CALN1: variants seen among roughly 807,000 people sequenced by gnomAD.
CALN1 encodes the protein calcium-binding protein 8.
In CALN1, 17 loss-of-function variants were observed where a neutral mutation model predicts 30.6. The observed-to-expected ratio is 0.56, with a 90% CI of 0.38 to 0.83. CALN1 has a LOEUF of 0.83. Ranked by LOEUF, CALN1 falls within the 40% of genes least tolerant of loss-of-function variation. CALN1 has a pLI of 0.00. For synonymous variants in CALN1, 156 were observed against 131.4 expected, an observed-to-expected ratio of 1.19 and a Z score of -1.28; for missense variants, 291 against 354.9, an observed-to-expected ratio of 0.82 and a Z score of 1.45.
At chr7:71,977,033 A>G (rs1798134372) in intron 5 of CALN1, among the ~76,000 whole-genome samples, 1 of 152,074 alleles carries the variant, frequency 6.6e-6, no homozygotes, top group African/African-American at 2.4e-5. Context: ...CCAACCACAA[A>G]CAGACGAATT....
rs1235392655 is a variant in CALN1 at position 71,860,317 on chromosome 7, T to G, written c.502-49825A>C. 2.0e-5 allele frequency among the ~76,000 whole-genome samples: 3 copies of G among 151,818 alleles called. No homozygotes were observed. In the East Asian group the frequency reaches 5.8e-4, roughly 29 times the overall value. On this transcript the variant is annotated intron_variant, in intron 5 of 6. Coordinates refer to ENST00000395275, the MANE Select transcript of CALN1 (RefSeq NM_031468.4). ...AAGCGATTCTCCTGCCTCAGCCTCC[T>G]GAGTAGCTGGGACTGCAGGCACATG... is the stretch of plus-strand genomic sequence containing the variant.
chr7:72,347,428 G>A (rs562046370), intron 2 of CALN1, among the ~76,000 whole-genome samples: 4 of 151,810 alleles, frequency 2.6e-5, no homozygotes, highest in South Asian at 2.1e-4. Context: ...CATCATGCCT[G>A]GCTAATTTTG....
At chr7:71,828,498 G>T (rs1306764926) in intron 5 of CALN1, among the ~76,000 whole-genome samples, 1 of 151,976 alleles carries the variant, frequency 6.6e-6, no homozygotes, top group African/African-American at 2.4e-5. Context: ...ATTCAAGCTT[G>T]GAACTGGTCA....
chr7:72,192,737 TG>T (rs1790705791), intron 3 of CALN1, among the ~76,000 whole-genome samples: 1 of 151,242 alleles, frequency 6.6e-6, no homozygotes, highest in African/African-American at 2.4e-5. Flanking sequence ...TGTGCCATGC[TG>T]GTGCGCTGCA....
the CALN1 span, among the ~76,000 whole-genome samples, chr7:72,466,185 T>C: frequency 6.6e-6 from 1 of 152,174 alleles, no homozygotes; most frequent in African/African-American, 2.4e-5. Context: ...GTTTAGATTC[T>C]ATCACAGGGA....
At chr7:72,241,149 G>C (rs972585987) in intron 3 of CALN1, among the ~76,000 whole-genome samples, 2 of 152,128 alleles carry the variant, frequency 1.3e-5, no homozygotes, top group Non-Finnish European at 2.9e-5. Flanking sequence ...AATAGTTTTA[G>C]TTCAAGTAAG....
At chr7:72,500,611 C>T in the CALN1 span, among the ~76,000 whole-genome samples, 2 of 151,912 alleles carry the variant, frequency 1.3e-5, no homozygotes, top group Non-Finnish European at 2.9e-5. Flanking sequence ...CCCCTCTCCG[C>T]TGTTTATATA....
intron 5 of CALN1, among the ~76,000 whole-genome samples, chr7:71,970,415 C>T (rs377132035): frequency 6.6e-6 from 1 of 152,204 alleles, no homozygotes; most frequent in Non-Finnish European, 1.5e-5. Flanking sequence ...TACTTATCAA[C>T]TTACGTTATT....
chr7:71,979,337 TA>T (rs1423929438), intron 5 of CALN1, among the ~76,000 whole-genome samples: 2 of 152,172 alleles, frequency 1.3e-5, no homozygotes, highest in African/African-American at 2.4e-5. Flanking sequence ...CATCATAATG[TA>T]AAATCAGTGG....
At chr7:72,250,893 T>G (rs753579330) in intron 3 of CALN1, among the ~76,000 whole-genome samples, 5 of 152,084 alleles carry the variant, frequency 3.3e-5, no homozygotes, top group Non-Finnish European at 7.4e-5. Flanking sequence ...TATCCCTATA[T>G]AGCAATGCAA....
chr7:71,783,218 C>T lies in CALN1; in HGVS notation c.*4557G>A, dbSNP rs1002307541. 3.9e-5 allele frequency: 6 copies of T among 152,110 alleles called. No individual in the cohort carries two copies. The highest frequency in any genetic ancestry group is 2.6e-4 in the Admixed American group (4 of 15,268). 9.4% of individuals were successfully genotyped at this position (152,110 alleles called of 1,614,324 possible). A position where few individuals can be genotyped will look rare whatever the true frequency, so the allele number is the denominator to read the frequency against. ...TGTTCTGATTTGAGGTCTTTTAAGACAGATGTTCTTCAGGGGTTGCAGCTC... is the reference window on the plus strand; with the variant it reads ...TGTTCTGATTTGAGGTCTTTTAAGATAGATGTTCTTCAGGGGTTGCAGCTC... On this transcript the variant is annotated 3_prime_UTR_variant, in exon 7 of 7. Transcript: ENST00000395275.
At chr7:71,807,395 C>A (rs1217541546) in intron 6 of CALN1, among the ~76,000 whole-genome samples, 5 of 152,080 alleles carry the variant, frequency 3.3e-5, no homozygotes, top group South Asian at 2.1e-4. Context: ...TGTGGAAAGG[C>A]CTGTGAGCAT....
chr7:72,034,421 G>A (rs1284546935), intron 4 of CALN1, among the ~76,000 whole-genome samples: 3 of 151,542 alleles, frequency 2.0e-5, no homozygotes, highest in Admixed American at 1.3e-4. Context: ...AGGACGTACT[G>A]GGGAAATGCT....
intron 3 of CALN1, among the ~76,000 whole-genome samples, chr7:72,220,196 C>A (rs1267760850): frequency 9.0e-6 from 1 of 110,548 alleles, no homozygotes. Context: ...CCCCCCTCCC[C>A]CCACCCCACA....
At chr7:72,031,456 C>T (rs1801429838) in intron 4 of CALN1, among the ~76,000 whole-genome samples, 1 of 152,172 alleles carries the variant, frequency 6.6e-6, no homozygotes, top group South Asian at 2.1e-4. Context: ...TAGGTTCTCC[C>T]CTTCCACATC....
chr7:71,975,711 T>C (rs1352652376), intron 5 of CALN1, among the ~76,000 whole-genome samples: 1 of 151,976 alleles, frequency 6.6e-6, no homozygotes, highest in Non-Finnish European at 1.5e-5. Flanking sequence ...ATGATAGGTG[T>C]GAGCCACCAC....
At chr7:72,264,180 G>C (rs1796461910) in intron 3 of CALN1, among the ~76,000 whole-genome samples, 1 of 152,162 alleles carries the variant, frequency 6.6e-6, no homozygotes, top group African/African-American at 2.4e-5. Context: ...GCCAGCATGT[G>C]AAGGAAGTCC....
In CALN1 at chr7:72,114,300, A is replaced by G. The variant is rs201426191; in HGVS notation, c.245-8006T>C. ...AAGGGAAGGGAAGGGAAGGGAAGGG[A>G]AGGGAAGGGAAGGCAACACTGTAGT... On this transcript the variant is annotated intron_variant, in intron 3 of 6. Coordinates refer to ENST00000395275, the MANE Select transcript of CALN1 (RefSeq NM_031468.4). Among the ~76,000 whole-genome samples the G allele has an allele frequency of 1.8e-3, 166 of 92,048 alleles. 5 individuals are homozygous for G. Among genetic ancestry groups the G allele is most frequent in the Middle Eastern group, 5.2e-3 (1 of 192 alleles). The allele number at this position is 92,048 out of a possible 152,430, so 60.4% of individuals were successfully genotyped here.
rs564628389 is a variant in CALN1, at chr7:72,309,789, A to C, written c.120-30979T>G. On this transcript the variant is annotated intron_variant, in intron 2 of 6. Coordinates refer to ENST00000395275, the MANE Select transcript of CALN1 (RefSeq NM_031468.4). ...AGAGGTCCAAAAGCCAACCTCATTT[A>C]GTCATCTCTCTACTCTCTCCTGAAA... is the stretch of plus-strand genomic sequence containing the variant. Among the ~76,000 whole-genome samples, 3 of 152,318 alleles carry C rather than the reference A, an allele frequency of 2.0e-5. 1 individual carries two copies. In the East Asian group the frequency reaches 5.8e-4, roughly 29 times the overall value.
Sources: allele counts gnomAD v4.1 joint callset (sites outside exome capture counted in the v4.1 genomes callset), GRCh38; gene constraint gnomAD v4.1.1; transcripts MANE v1.5; gene names NCBI Gene and HGNC (gene_info 2026-07-23, HGNC 2026-07-21).